SENP1: variants seen among roughly 807,000 people sequenced by gnomAD.
SENP1 encodes the protein SUMO specific peptidase 1.
A neutral mutation model predicts 93.0 loss-of-function variants in SENP1; 21 were observed. The ratio of observed to expected loss-of-function variants is 0.23; its 90% CI spans 0.16 to 0.33. SENP1 has a LOEUF of 0.33. Among genes scored for constraint, SENP1 ranks in the 10% least tolerant of loss-of-function variants. SENP1 has a pLI of 1.00. For missense variants in SENP1, 591 were observed against 758.7 expected (o/e 0.78, Z 2.60); for synonymous variants, 256 against 259.6 (o/e 0.99, Z 0.13).
intron 9 of SENP1, among the ~76,000 whole-genome samples, chr12:48,067,806 C>G (rs1003831343): frequency 4.0e-5 from 6 of 150,004 alleles, no homozygotes; most frequent in African/African-American, 1.5e-4. Flanking sequence ...GATTCTGTCT[C>G]TTAAAAAAAA....
chr12:48,049,807 C>T (rs531684019), intron 13 of SENP1, among the ~76,000 whole-genome samples: 1 of 152,274 alleles, frequency 6.6e-6, no homozygotes, highest in East Asian at 1.9e-4. Flanking sequence ...TATAAAGGCA[C>T]ACATGGAAGT....
rs554931831 is a variant in SENP1 at position 48,066,422 on chromosome 12, T to C, written c.1034+505A>G. Among the ~76,000 whole-genome samples the C allele has an allele frequency of 6.7e-4, 102 of 152,332 alleles. No individual in the cohort carries two copies. The Middle Eastern group carries it at 0.01, about 15-fold the overall frequency. ...TTCCAATTTAATTTAGCTTCAACAA[T>C]TGTTATAGATTTAATAAACATAAGT... On this transcript the variant is annotated intron_variant, in intron 10 of 17. Transcript: ENST00000549518.
intron 2 of SENP1, among the ~76,000 whole-genome samples, chr12:48,100,338 C>T (rs1592491387): frequency 6.6e-6 from 1 of 152,052 alleles, no homozygotes; most frequent in South Asian, 2.1e-4. Context: ...TACTAAGGAA[C>T]AAGAACTCTT....
chr12:48,062,779 TATG>T (rs1442228808), intron 13 of SENP1, among the ~76,000 whole-genome samples: 2 of 152,224 alleles, frequency 1.3e-5, no homozygotes, highest in African/African-American at 4.8e-5. Flanking sequence ...CTTCCAAAGA[TATG>T]ATGACTATTA....
Position 48,104,283 on chromosome 12 carries a change from G to GGA in SENP1, c.-45+1743_-45+1744dup, listed in dbSNP as rs1183383852. Among the ~76,000 whole-genome samples the GGA allele has an allele frequency of 8.0e-3, 892 of 111,034 alleles. 26 individuals are homozygous for GGA. Among genetic ancestry groups the GGA allele is most frequent in the East Asian group, 0.069 (257 of 3,706 alleles). The allele number at this position is 111,034 out of a possible 152,430, so 72.8% of individuals were successfully genotyped here. A position where few individuals can be genotyped will look rare whatever the true frequency, so the allele number is the denominator to read the frequency against. ...GGGGGGGGGGGGGGGGCGGAGGGAG[G>GGA]GAGAGAGAGAGAGAGAGAGACGCAA... On this transcript the variant is annotated intron_variant, in intron 1 of 17. Transcript: ENST00000549518.
At chr12:48,085,263 C>G (rs761385903) in intron 5 of SENP1, 24 of 1,553,254 alleles carry the variant, frequency 1.5e-5, no homozygotes, top group Non-Finnish European at 2.0e-5. Flanking sequence ...CCTCATCAAC[C>G]AGTACATCGC....
At chr12:48,088,055 T>C in intron 5 of SENP1, among the ~76,000 whole-genome samples, 1 of 146,466 alleles carries the variant, frequency 6.8e-6, no homozygotes, top group African/African-American at 2.4e-5. Context: ...TCTGTGACTA[T>C]CTTTTTTTTT....
Position 48,056,508 on chromosome 12 carries a change from ATATT to A in SENP1, c.1407+7198_1407+7201del, listed in dbSNP as rs1260025034. Among the ~76,000 whole-genome samples, 515 of 62,098 alleles carry A rather than the reference ATATT, an allele frequency of 8.3e-3. 3 individuals are homozygous for A. The highest frequency in any genetic ancestry group is 0.023 in the African/African-American group (184 of 8,030). The allele number at this position is 62,098 out of a possible 152,430, so 40.7% of individuals were successfully genotyped here. ...TATATTACATATTACATATATAAAT[ATATT>A]ATTTAATATATTACATATATAAATA... On this transcript the variant is annotated intron_variant, in intron 13 of 17. Coordinates refer to ENST00000549518, the MANE Select transcript of SENP1 (RefSeq NM_001267594.2).
rs1224119475 is a variant in SENP1, at chr12:48,091,279, T to C, written c.221-2319A>G. Among the ~76,000 whole-genome samples, 5 of 152,010 alleles carry C rather than the reference T, an allele frequency of 3.3e-5. 1 individual carries two copies. On this transcript the variant is annotated intron_variant, in intron 4 of 17. Transcript: ENST00000549518. ...AGCCTAGCCAGTATGGTGAAACCCG[T>C]CTCTACTAAAAATACAAAAAATTAG... is the stretch of plus-strand genomic sequence containing the variant.
intron 2 of SENP1, among the ~76,000 whole-genome samples, 194 bp from the exon 3 acceptor site, chr12:48,098,318 T>G (rs1390815122): frequency 2.0e-5 from 3 of 151,502 alleles, no homozygotes; most frequent in Non-Finnish European, 4.4e-5. Flanking sequence ...CTAGGCAACA[T>G]AGTAAGACCC....
chr12:48,057,653 C>T (rs935160638), intron 13 of SENP1, among the ~76,000 whole-genome samples: 1 of 149,540 alleles, frequency 6.7e-6, no homozygotes, highest in Non-Finnish European at 1.5e-5. Flanking sequence ...CTCTGTCATC[C>T]AGGCTGGAGT....
intron 8 of SENP1, among the ~76,000 whole-genome samples, chr12:48,072,652 CACT>C (rs889946350): frequency 2.0e-5 from 3 of 152,072 alleles, no homozygotes; most frequent in Non-Finnish European, 4.4e-5. Flanking sequence ...AAACAAAAAA[CACT>C]ACTTCCTTTA....
At chr12:48,078,837 T>C (rs1259977462) in intron 6 of SENP1, among the ~76,000 whole-genome samples, 1 of 152,224 alleles carries the variant, frequency 6.6e-6, no homozygotes, top group African/African-American at 2.4e-5. Context: ...TCTCTGTAAA[T>C]TACTTGTTAA....
intron 1 of SENP1, chr12:48,105,589 G>C (rs1946474587): frequency 2.1e-6 from 1 of 466,738 alleles, no homozygotes; most frequent in South Asian, 1.6e-5. Flanking sequence ...AATATCACTC[G>C]GGTCTCAAGG....
At chr12:48,050,360 G>A (rs1941706289) in intron 13 of SENP1, among the ~76,000 whole-genome samples, 1 of 152,220 alleles carries the variant, frequency 6.6e-6, no homozygotes, top group South Asian at 2.1e-4. Flanking sequence ...ACACACCGGA[G>A]CACGGTCTAG....
chr12:48,096,338 C>T lies in SENP1; in HGVS notation c.220+5G>A. The T allele has an allele frequency of 6.4e-7, 1 of 1,561,948 alleles. No individual in the cohort carries two copies. The highest frequency in any genetic ancestry group is 8.8e-7 in the Non-Finnish European group (1 of 1,134,050). ...AGTCCCTTGACTCCAAGTAATGTGT[C>T]ATACCTGAGTAATAGCTTGGATTAT... On this transcript the variant is annotated splice_donor_5th_base_variant and intron_variant, in intron 4 of 17. Transcript: ENST00000549518.
At chr12:48,061,344 G>A (rs1033506377) in intron 13 of SENP1, among the ~76,000 whole-genome samples, 3 of 152,114 alleles carry the variant, frequency 2.0e-5, no homozygotes, top group East Asian at 1.9e-4. Flanking sequence ...GGGAAGAAGA[G>A]GATTGAACAG....
At chr12:48,078,677 C>G (rs1037555049) in intron 6 of SENP1, among the ~76,000 whole-genome samples, 5 of 151,992 alleles carry the variant, frequency 3.3e-5, no homozygotes, top group African/African-American at 1.2e-4. Context: ...CCCGCCACCA[C>G]GCCCAGCTAA....
In SENP1 at chr12:48,101,477, A is replaced by G. The variant is rs1213529844; in HGVS notation, c.-5T>C. On this transcript the variant is annotated 5_prime_UTR_variant, in exon 2 of 18. Transcript: ENST00000549518. ...CAGCTAGTTAGTCTTACCCATTTCA[A>G]GTCTTTTCACATCACTGACTTTAGC... 6.3e-7 allele frequency: 1 copy of G among 1,599,984 alleles called. No homozygotes were observed. The highest frequency in any genetic ancestry group is 8.5e-7 in the Non-Finnish European group (1 of 1,174,164).
Sources: gnomAD v4.1 joint callset for allele counts (sites outside exome capture counted in the v4.1 genomes callset) on GRCh38, gnomAD v4.1.1 for gene constraint, MANE v1.5 for transcripts, NCBI Gene and HGNC (gene_info 2026-07-23, HGNC 2026-07-21) for gene names.